GLI2: variants seen among roughly 807,000 people sequenced by gnomAD.
GLI2 encodes GLI family zinc finger 2.
A neutral mutation model predicts 78.9 loss-of-function variants in GLI2; 22 were observed. The observed-to-expected ratio is 0.28, with a 90% CI of 0.20 to 0.40. The LOEUF (loss-of-function observed/expected upper bound fraction) is 0.40, where lower values mean the gene tolerates loss of function less well. GLI2 is among the 10% of genes least tolerant of loss of function. GLI2 has a pLI of 1.00. For missense variants in GLI2, 2,097 were observed against 2,213.2 expected (o/e 0.95, Z 1.05); for synonymous variants, 974 against 963.7 (o/e 1.01, Z -0.20).
At chr2:120,967,019 C>T (rs561537788) in intron 5 of GLI2, among the ~76,000 whole-genome samples, 2 of 152,306 alleles carry the variant, frequency 1.3e-5, no homozygotes, top group East Asian at 3.9e-4. Flanking sequence ...GGAGGGGGCA[C>T]CCAGGAGGGG....
chr2:120,824,105 T>C (rs1444309030), intron 2 of GLI2, among the ~76,000 whole-genome samples: 2 of 152,274 alleles, frequency 1.3e-5, no homozygotes, highest in East Asian at 3.9e-4. Flanking sequence ...GGGATTCCGT[T>C]GGGATGACTT....
rs1680999286 is a variant in GLI2, at chr2:120,951,629, C to T, written c.457+184C>T. ...TTTGGGTTTTATGCTCATTAAAGAG[C>T]CTTTGGTAAGCACTCTTTTGCATGC... is the stretch of plus-strand genomic sequence containing the variant. On this transcript the variant is annotated intron_variant, in intron 4 of 13. Transcript: ENST00000361492. The T allele has an allele frequency of 1.4e-5, 8 of 565,204 alleles. No homozygotes were observed. In the South Asian group the frequency reaches 1.6e-4, roughly 11 times the overall value. 35.0% of individuals were successfully genotyped at this position (565,204 alleles called of 1,614,324 possible). A position where few individuals can be genotyped will look rare whatever the true frequency, so the allele number is the denominator to read the frequency against.
intron 5 of GLI2, among the ~76,000 whole-genome samples, chr2:120,956,803 G>A (rs959607005): frequency 2.6e-5 from 4 of 152,078 alleles, no homozygotes; most frequent in Non-Finnish European, 5.9e-5. Flanking sequence ...GGGCTGGTGG[G>A]AAATCATGTG....
At chr2:120,985,025 G>T (rs968870630) in intron 12 of GLI2, among the ~76,000 whole-genome samples, 4 of 152,132 alleles carry the variant, frequency 2.6e-5, no homozygotes, top group Admixed American at 2.0e-4. Context: ...ACAGGGCGGG[G>T]GTGGCCCCTG....
intron 3 of GLI2, among the ~76,000 whole-genome samples, chr2:120,933,901 A>G (rs1680070220): frequency 6.8e-6 from 1 of 147,020 alleles, no homozygotes; most frequent in African/African-American, 2.5e-5. Context: ...GGGGCTTCAG[A>G]GAAGACCAAT....
Position 120,986,535 on chromosome 2 carries a change from G to T in GLI2, c.2163G>T (p.Lys721Asn), listed in dbSNP as rs371352201. 4.3e-6 allele frequency: 7 copies of T among 1,614,170 alleles called. No homozygotes were observed. The African/African-American group carries it at 8.0e-5, about 18-fold the overall frequency. Residue 721 changes from lysine to asparagine, a missense_variant, in exon 13 of 14, where the codon AAG (lysine) becomes AAT (asparagine). By Grantham distance (94) the Lys-to-Asn change is moderately conservative. Coordinates refer to ENST00000361492, the MANE Select transcript of GLI2 (RefSeq NM_001374353.1). ...RFEQLKKEKLKSLKDSCSWAG... is the reference protein window; with the variant it reads ...RFEQLKKEKLNSLKDSCSWAG... ...AGCAGCTCAAGAAGGAGAAGCTCAAGTCACTCAAGGATTCCTGCTCATGGG... is the reference window on the plus strand; with the variant it reads ...AGCAGCTCAAGAAGGAGAAGCTCAATTCACTCAAGGATTCCTGCTCATGGG...
At chr2:120,981,011 G>C (rs1682694798) in intron 10 of GLI2, among the ~76,000 whole-genome samples, 1 of 152,086 alleles carries the variant, frequency 6.6e-6, no homozygotes, top group Non-Finnish European at 1.5e-5. Flanking sequence ...CTCCGGAGTA[G>C]CTGGGATTAC....
At chr2:120,826,042 G>A (rs535482249) in intron 2 of GLI2, among the ~76,000 whole-genome samples, 1 of 152,188 alleles carries the variant, frequency 6.6e-6, no homozygotes, top group African/African-American at 2.4e-5. Context: ...GCCTGGTGAC[G>A]GCCGCCTTTG....
rs769146635 is a variant in GLI2 at position 120,988,599 on chromosome 2, A to T, written c.2634A>T (p.Ala878=). The T allele has an allele frequency of 7.4e-6, 11 of 1,483,358 alleles. No homozygotes were observed. In the African/African-American group the frequency reaches 1.6e-4, roughly 22 times the overall value. 91.9% of individuals were successfully genotyped at this position (1,483,358 alleles called of 1,614,324 possible). Residue 878 remains alanine (A), a synonymous_variant, in exon 14 of 14, where the codon GCA becomes GCT. Coordinates refer to ENST00000361492, the MANE Select transcript of GLI2 (RefSeq NM_001374353.1). The part of the protein sequence containing the change: ...QQYSLRAKYA[A]ATGGPPPTPL... ...ACAGCCTGCGGGCCAAGTACGCGGCAGCCACTGGCGGCCCCCCGCCCACTC... is the reference window on the plus strand; with the variant it reads ...ACAGCCTGCGGGCCAAGTACGCGGCTGCCACTGGCGGCCCCCCGCCCACTC...
At chr2:120,843,563 C>T (rs1440251089) in intron 2 of GLI2, among the ~76,000 whole-genome samples, 1 of 152,214 alleles carries the variant, frequency 6.6e-6, no homozygotes, top group Non-Finnish European at 1.5e-5. Flanking sequence ...AAAGCAAATA[C>T]CCCGCTTTGG....
At chr2:120,751,843 G>A (rs1682882818) in intron 1 of GLI2, among the ~76,000 whole-genome samples, 1 of 152,106 alleles carries the variant, frequency 6.6e-6, no homozygotes, top group Non-Finnish European at 1.5e-5. Flanking sequence ...CATTTCCAGA[G>A]GTAGAATTCT....
intron 3 of GLI2, 53 bp from the exon 4 acceptor site, chr2:120,951,190 G>A (rs749323334): frequency 1.6e-5 from 17 of 1,051,852 alleles, no homozygotes; most frequent in Admixed American, 3.4e-5. Context: ...TGGGGTCTTG[G>A]TGGGGTTCCC....
At chr2:120,851,756 G>A (rs967569701) in intron 2 of GLI2, among the ~76,000 whole-genome samples, 1 of 152,236 alleles carries the variant, frequency 6.6e-6, no homozygotes, top group Non-Finnish European at 1.5e-5. Flanking sequence ...TCCTGTTCCT[G>A]TGAGGAAGAA....
At chr2:120,895,707 A>C (rs1677908138) in intron 2 of GLI2, among the ~76,000 whole-genome samples, 1 of 152,138 alleles carries the variant, frequency 6.6e-6, no homozygotes, top group Non-Finnish European at 1.5e-5. Context: ...CGTCACAAAA[A>C]ACAAGAACAG....
intron 3 of GLI2, among the ~76,000 whole-genome samples, chr2:120,944,077 G>C (rs1680590518): frequency 6.6e-6 from 1 of 152,148 alleles, no homozygotes; most frequent in Non-Finnish European, 1.5e-5. Context: ...CACTCCCAGG[G>C]ACAGCACCCA....
At chr2:120,946,895 G>C (rs917735460) in intron 3 of GLI2, among the ~76,000 whole-genome samples, 1 of 152,236 alleles carries the variant, frequency 6.6e-6, no homozygotes, top group Non-Finnish European at 1.5e-5. Context: ...GATGCTGGCA[G>C]TTCTGCCAGC....
chr2:120,790,228 G>A (rs1363505031), intron 1 of GLI2, among the ~76,000 whole-genome samples: 1 of 152,226 alleles, frequency 6.6e-6, no homozygotes, highest in African/African-American at 2.4e-5. Flanking sequence ...AGAGAAACAG[G>A]GGGGTCTGTT....
intron 2 of GLI2, among the ~76,000 whole-genome samples, chr2:120,875,780 G>T (rs1342663815): frequency 6.6e-6 from 1 of 151,892 alleles, no homozygotes; most frequent in African/African-American, 2.4e-5. Context: ...CAAAGAGCCA[G>T]GACTAAAAGA....
chr2:120,897,218 T>A (rs917055162), intron 2 of GLI2, among the ~76,000 whole-genome samples: 4 of 152,228 alleles, frequency 2.6e-5, no homozygotes, highest in African/African-American at 9.6e-5. Flanking sequence ...AAACTCCCCG[T>A]GTTGACTTCC....
Sources: gnomAD v4.1 joint callset for allele counts (sites outside exome capture counted in the v4.1 genomes callset) on GRCh38, gnomAD v4.1.1 for gene constraint, MANE v1.5 for transcripts, NCBI Gene and HGNC (gene_info 2026-07-23, HGNC 2026-07-21) for gene names.